The following RAB21 variants were observed in gnomAD, a reference collection of about 807,000 sequenced individuals.
RAB21 encodes the protein ras-related protein Rab-21.
In RAB21, 13 loss-of-function variants were observed where a neutral mutation model predicts 33.1. That is an observed-to-expected ratio of 0.39 (90% confidence interval 0.26 to 0.62). RAB21 has a LOEUF of 0.62. Among genes scored for constraint, RAB21 ranks in the 20% least tolerant of loss-of-function variants. The pLI is 0.48. For missense variants in RAB21, 234 were observed against 279.1 expected, an observed-to-expected ratio of 0.84 and a Z score of 1.15; for synonymous variants, 91 against 103.7, an observed-to-expected ratio of 0.88 and a Z score of 0.74.
intron 4 of RAB21, among the ~76,000 whole-genome samples, chr12:71,780,787 T>C (rs1312115772): frequency 6.6e-6 from 1 of 152,172 alleles, no homozygotes; most frequent in Non-Finnish European, 1.5e-5. Flanking sequence ...TTCAATGCCT[T>C]ATCTGAAATT....
intron 1 of RAB21, among the ~76,000 whole-genome samples, chr12:71,765,153 G>A (rs187608526): frequency 4.5e-4 from 69 of 152,156 alleles, no homozygotes; most frequent in African/African-American, 1.4e-3. Flanking sequence ...GGTCATTCTT[G>A]TAGGAGTAAG....
chr12:71,755,293 G>T lies in RAB21; in HGVS notation c.159+5G>T, dbSNP rs562813779. 2.6e-6 allele frequency: 4 copies of T among 1,510,234 alleles called. No homozygotes were observed. In the African/African-American group the frequency reaches 5.8e-5, roughly 22 times the overall value. The allele number at this position is 1,510,234 out of a possible 1,614,324, so 93.6% of individuals were successfully genotyped here. A position where few individuals can be genotyped will look rare whatever the true frequency, so the allele number is the denominator to read the frequency against. ...AAGCACATCACCACTCTGCAGGTGC[G>T]GACCTCGGGGAGCGGGAGGGGGCGC... On this transcript the variant is annotated splice_donor_5th_base_variant and intron_variant, in intron 1 of 6. Coordinates refer to ENST00000261263, the MANE Select transcript of RAB21 (RefSeq NM_014999.4).
At chr12:71,756,519 T>C (rs189084902) in intron 1 of RAB21, among the ~76,000 whole-genome samples, 9 of 152,372 alleles carry the variant, frequency 5.9e-5, no homozygotes, top group African/African-American at 1.9e-4. Context: ...GTCTAGAATT[T>C]ACAAGACGCT....
intron 1 of RAB21, among the ~76,000 whole-genome samples, chr12:71,765,422 A>G (rs1350929848): frequency 1.3e-5 from 2 of 152,032 alleles, no homozygotes; most frequent in Non-Finnish European, 2.9e-5. Context: ...TCTGCTGAGT[A>G]TTTATTTTGC....
Position 71,793,258 on chromosome 12 carries a change from C to A in RAB21, c.*7585C>A, listed in dbSNP as rs2137666506. 1 of 152,240 alleles carries A rather than the reference C, an allele frequency of 6.6e-6. No homozygotes were observed. Among genetic ancestry groups the A allele is most frequent in the Non-Finnish European group, 1.5e-5 (1 of 68,026 alleles). The allele number at this position is 152,240 out of a possible 1,614,324, so 9.4% of individuals were successfully genotyped here. ...TGACAGATGTGGCCTTGTCACCACA[C>A]AGTAAGCCAGAACACAATCCATTCC... On this transcript the variant is annotated 3_prime_UTR_variant, in exon 7 of 7. Coordinates refer to ENST00000261263, the MANE Select transcript of RAB21 (RefSeq NM_014999.4).
chr12:71,770,580 T>C lies in RAB21; in HGVS notation c.220-12T>C. ...TTCTTCTGATCTAATAAGCATTTGT[T>C]GCTTTCTTTAGGATACGGCAGGTCA... is the stretch of plus-strand genomic sequence containing the variant. On this transcript the variant is annotated splice_polypyrimidine_tract_variant and intron_variant, in intron 2 of 6. Coordinates refer to ENST00000261263, the MANE Select transcript of RAB21 (RefSeq NM_014999.4). The C allele has an allele frequency of 1.3e-6, 2 of 1,534,326 alleles. No homozygotes were observed. Among genetic ancestry groups the C allele is most frequent in the South Asian group, 2.2e-5 (2 of 89,148 alleles).
chr12:71,758,514 T>TA (rs1248616374), intron 1 of RAB21, among the ~76,000 whole-genome samples: 1 of 152,076 alleles, frequency 6.6e-6, no homozygotes, highest in East Asian at 1.9e-4. Flanking sequence ...CTTTTTTTTT[T>TA]TTTGGAGGCA....
intron 4 of RAB21, among the ~76,000 whole-genome samples, chr12:71,775,155 A>T (rs888079708): frequency 2.6e-5 from 4 of 152,112 alleles, no homozygotes; most frequent in Admixed American, 2.6e-4. Context: ...TCTTTAGATT[A>T]TTATTTCTGT....
chr12:71,763,138 A>C (rs1372619856), intron 1 of RAB21, among the ~76,000 whole-genome samples: 1 of 149,144 alleles, frequency 6.7e-6, no homozygotes, highest in Non-Finnish European at 1.5e-5. Context: ...CAATCTTACT[A>C]TCTTACTCAT....
At position 71,800,033 on chromosome 12, in the gene RAB21, C is replaced by T. The variant is rs185371149; in HGVS notation, c.*14360C>T. The T allele has an allele frequency of 6.6e-6, 1 of 151,352 alleles. No homozygotes were observed. The highest frequency in any genetic ancestry group is 1.5e-5 in the Non-Finnish European group (1 of 68,008). 9.4% of individuals were successfully genotyped at this position (151,352 alleles called of 1,614,324 possible). ...GGTTGCAGTGAGCCAAGATCATGCC[C>T]CTGTACTCCAGCCTGAGCAACAGAG... On this transcript the variant is annotated 3_prime_UTR_variant, in exon 7 of 7. Transcript: ENST00000261263.
intron 6 of RAB21, among the ~76,000 whole-genome samples, chr12:71,783,461 T>C (rs967663553): frequency 1.1e-4 from 16 of 150,386 alleles, no homozygotes; most frequent in African/African-American, 3.7e-4. Flanking sequence ...TGTGTGTGTG[T>C]ACACACACAC....
chr12:71,756,443 T>C (rs1882787125), intron 1 of RAB21, among the ~76,000 whole-genome samples: 1 of 152,246 alleles, frequency 6.6e-6, no homozygotes, highest in African/African-American at 2.4e-5. Flanking sequence ...CGACACTACT[T>C]AATAGAATGC....
chr12:71,785,413 T>C (rs776985701), intron 6 of RAB21, 118 bp from the exon 7 acceptor site: 3 of 1,175,906 alleles, frequency 2.6e-6, no homozygotes, highest in African/African-American at 3.1e-5. Flanking sequence ...GTTCATTATA[T>C]TTAGTTTCTT....
intron 1 of RAB21, 59 bp from the exon 2 acceptor site, chr12:71,769,740 GT>G: frequency 1.2e-6 from 1 of 844,142 alleles, no homozygotes; most frequent in South Asian, 2.5e-5. Flanking sequence ...ATCTATAGTT[GT>G]TAGGATAAAG....
intron 3 of RAB21, 88 bp downstream of exon 3, chr12:71,770,787 G>C (rs1421107134): frequency 3.5e-6 from 3 of 851,814 alleles, no homozygotes; most frequent in Non-Finnish European, 5.4e-6. Context: ...AATGTGATTA[G>C]TTTTCTTTTT....
At chr12:71,756,063 G>C (rs192794779) in intron 1 of RAB21, among the ~76,000 whole-genome samples, 2 of 152,214 alleles carry the variant, frequency 1.3e-5, no homozygotes, top group Non-Finnish European at 2.9e-5. Flanking sequence ...TGAGGGAGTT[G>C]TACTCACCCC....
rs749580477 is a variant in RAB21 at position 71,769,809 on chromosome 12, T to G, written c.169T>G (p.Leu57Val). 1.4e-6 allele frequency: 2 copies of G among 1,388,238 alleles called. No individual in the cohort carries two copies. The highest frequency in any genetic ancestry group is 1.9e-6 in the Non-Finnish European group (2 of 1,044,376). 86.0% of individuals were successfully genotyped at this position (1,388,238 alleles called of 1,614,324 possible). A position where few individuals can be genotyped will look rare whatever the true frequency, so the allele number is the denominator to read the frequency against. Residue 57 changes from leucine to valine, a missense_variant, in exon 2 of 7, where the codon TTA becomes GTA. Transcript: ENST00000261263. ...KHITTLQASF[L>V]TKKLNIGGKR... ...TTATTTCTCTTTTTAGGCATCATTC[T>G]TAACAAAGAAGTTAAATATTGGTGG...
intron 1 of RAB21, among the ~76,000 whole-genome samples, chr12:71,768,805 C>T (rs1882998400): frequency 6.6e-6 from 1 of 152,152 alleles, no homozygotes; most frequent in East Asian, 1.9e-4. Flanking sequence ...AAAAAAAGTT[C>T]AAATGAGTTT....
intron 1 of RAB21, among the ~76,000 whole-genome samples, chr12:71,767,701 T>C (rs1179536867): frequency 6.6e-6 from 1 of 152,118 alleles, no homozygotes; most frequent in Non-Finnish European, 1.5e-5. Flanking sequence ...TAAGAAGATA[T>C]TTCCAAGTTT....
Sources: allele counts gnomAD v4.1 joint callset (sites outside exome capture counted in the v4.1 genomes callset), GRCh38; gene constraint gnomAD v4.1.1; transcripts MANE v1.5; gene names NCBI Gene and HGNC (gene_info 2026-07-23, HGNC 2026-07-21).